Variants in MEGF10 observed in about 807,000 individuals in gnomAD.
MEGF10 encodes multiple EGF like domains 10.
In MEGF10, 86 loss-of-function variants were observed where a neutral mutation model predicts 147.5. The observed-to-expected ratio is 0.58, with a 90% CI of 0.49 to 0.70. The LOEUF is 0.70. Ranked by LOEUF, MEGF10 falls within the 30% of genes least tolerant of loss-of-function variation. The probability of loss-of-function intolerance (pLI) is 0.00; values close to 1 mark genes in which losing one functional copy is unlikely to be tolerated. For missense variants in MEGF10, 1,329 were observed against 1,487.3 expected, an observed-to-expected ratio of 0.89 and a Z score of 1.75; for synonymous variants, 478 against 525.5, an observed-to-expected ratio of 0.91 and a Z score of 1.24.
chr5:127,455,256 C>G, intron 23 of MEGF10, 145 bp from the exon 24 acceptor site: 1 of 766,696 alleles, frequency 1.3e-6, no homozygotes, highest in Admixed American at 2.4e-5. Flanking sequence ...CAGATTCTCT[C>G]CAAAACAAGT....
Position 127,402,548 on chromosome 5 carries a change from C to G in MEGF10, c.783C>G (p.Gly261=). 1 of 1,613,022 alleles carries G rather than the reference C, an allele frequency of 6.2e-7. No individual in the cohort carries two copies. The highest frequency in any genetic ancestry group is 8.5e-7 in the Non-Finnish European group (1 of 1,179,546). The part of the protein sequence containing the change: ...GECSCPSGWM[G]TVCGQPCPEG... ...TTTCCAAGTCTCTTTGAATGCAGGG[C>G]ACAGTGTGTGGTCAGCCTTGCCCCG... The change falls in exon 8 of 25, where the codon GGC becomes GGG. Residue 261 remains glycine, a splice_region_variant and synonymous_variant. Coordinates refer to ENST00000503335, the MANE Select transcript of MEGF10 (RefSeq NM_001256545.2).
chr5:127,344,150 G>A (rs1174803618), intron 4 of MEGF10, among the ~76,000 whole-genome samples: 1 of 152,094 alleles, frequency 6.6e-6, no homozygotes, highest in Admixed American at 6.6e-5. Flanking sequence ...TGCATTGATT[G>A]ACCTACAATG....
chr5:127,339,058 A>G (rs1435523042), intron 2 of MEGF10, 62 bp from the exon 3 acceptor site: 16 of 1,027,956 alleles, frequency 1.6e-5, no homozygotes, highest in Non-Finnish European at 2.1e-5. Flanking sequence ...TTTTAAATAC[A>G]TAGTATATTA....
At chr5:127,453,588 ACACT>A (rs771047922) in intron 22 of MEGF10, among the ~76,000 whole-genome samples, 1 of 152,230 alleles carries the variant, frequency 6.6e-6, no homozygotes, top group Non-Finnish European at 1.5e-5. Flanking sequence ...GAGAAAATTG[ACACT>A]CAGAGGGTGG....
chr5:127,379,191 G>A (rs1414890472), intron 5 of MEGF10, among the ~76,000 whole-genome samples: 2 of 151,028 alleles, frequency 1.3e-5, no homozygotes, highest in African/African-American at 4.9e-5. Context: ...TCCAGTCCAT[G>A]CCACGTTCTC....
intron 4 of MEGF10, among the ~76,000 whole-genome samples, chr5:127,344,594 G>T (rs1761809861): frequency 1.3e-5 from 2 of 151,988 alleles, no homozygotes; most frequent in South Asian, 4.2e-4. Flanking sequence ...ATTCTCAGCT[G>T]CATCTCATTA....
chr5:127,417,125 C>T (rs1327824698), intron 9 of MEGF10, among the ~76,000 whole-genome samples: 1 of 152,222 alleles, frequency 6.6e-6, no homozygotes, highest in Non-Finnish European at 1.5e-5. Context: ...CTGATATGTC[C>T]ATTTGCTATG....
At chr5:127,235,375 T>G in the MEGF10 span, among the ~76,000 whole-genome samples, 55 of 152,334 alleles carry the variant, frequency 3.6e-4, no homozygotes, top group African/African-American at 1.3e-3. Context: ...TTCCCTTATG[T>G]TTCTTCCTCC....
At position 127,417,785 on chromosome 5, in the gene MEGF10, A is replaced by G. The variant is rs139438683; in HGVS notation, c.1278A>G (p.Gly426=). 1.7e-5 allele frequency: 28 copies of G among 1,613,922 alleles called. No individual in the cohort carries two copies. Among genetic ancestry groups the G allele is most frequent in the Non-Finnish European group, 2.3e-5 (27 of 1,180,014 alleles). The change falls in exon 10 of 25, where the codon GGA becomes GGG. Residue 426 remains glycine, a synonymous_variant. Coordinates refer to ENST00000503335, the MANE Select transcript of MEGF10 (RefSeq NM_001256545.2). ...GGGCAGACTGTGACAGTGTGACTGG[A>G]AAGTGCACCTGTGCCCCAGGATTCA... ...QNGADCDSVT[G]KCTCAPGFKG... is the part of the protein sequence containing the mutation.
At chr5:127,334,438 A>C (rs975358421) in intron 2 of MEGF10, among the ~76,000 whole-genome samples, 3 of 152,124 alleles carry the variant, frequency 2.0e-5, no homozygotes, top group African/African-American at 4.8e-5. Context: ...CTGCATATTC[A>C]AGTTTGAGAA....
chr5:127,436,074 G>T (rs1462536482), intron 16 of MEGF10, among the ~76,000 whole-genome samples: 1 of 152,160 alleles, frequency 6.6e-6, no homozygotes, highest in Non-Finnish European at 1.5e-5. Context: ...TTTTGAAAGG[G>T]TCAGTGCAAT....
chr5:127,324,770 G>A (rs1760936492), intron 1 of MEGF10, among the ~76,000 whole-genome samples: 2 of 152,134 alleles, frequency 1.3e-5, no homozygotes, highest in African/African-American at 4.8e-5. Context: ...CCTTAGCTTG[G>A]TGCTGAAGGC....
At chr5:127,252,150 A>C in the MEGF10 span, among the ~76,000 whole-genome samples, 1 of 151,990 alleles carries the variant, frequency 6.6e-6, no homozygotes, top group African/African-American at 2.4e-5. Flanking sequence ...AGATTAACAC[A>C]ATGATACCTT....
chr5:127,398,849 G>T, intron 7 of MEGF10, 53 bp downstream of exon 7: 1 of 1,610,778 alleles, frequency 6.2e-7, no homozygotes, highest in Admixed American at 1.7e-5. Flanking sequence ...CCCATTCCAG[G>T]ATACTCAGTG....
chr5:127,343,333 C>T (rs1290924788), intron 4 of MEGF10, among the ~76,000 whole-genome samples: 1 of 152,092 alleles, frequency 6.6e-6, no homozygotes, highest in Non-Finnish European at 1.5e-5. Context: ...GTAGCACCTT[C>T]AGGAGAGCAG....
chr5:127,242,519 A>G, the MEGF10 span, among the ~76,000 whole-genome samples: 1 of 152,246 alleles, frequency 6.6e-6, no homozygotes, highest in Non-Finnish European at 1.5e-5. Context: ...CGGATCTTAA[A>G]TTAAACTGCT....
At chr5:127,440,114 G>T (rs1008862753) in intron 17 of MEGF10, among the ~76,000 whole-genome samples, 1 of 152,210 alleles carries the variant, frequency 6.6e-6, no homozygotes, top group Non-Finnish European at 1.5e-5. Flanking sequence ...GAATTTGTGG[G>T]TGTCTTTAGC....
At chr5:127,342,392 G>T (rs1322224469) in intron 4 of MEGF10, among the ~76,000 whole-genome samples, 1 of 152,076 alleles carries the variant, frequency 6.6e-6, no homozygotes, top group Non-Finnish European at 1.5e-5. Flanking sequence ...ATTAACCCAG[G>T]GGTCATAGAA....
intron 13 of MEGF10, among the ~76,000 whole-genome samples, chr5:127,423,205 A>T (rs1291989313): frequency 6.6e-6 from 1 of 152,270 alleles, no homozygotes; most frequent in East Asian, 1.9e-4. Flanking sequence ...TGCAAATATT[A>T]AAATGTTCAT....
Sources: gnomAD v4.1 joint callset for allele counts (sites outside exome capture counted in the v4.1 genomes callset) on GRCh38, gnomAD v4.1.1 for gene constraint, MANE v1.5 for transcripts, NCBI Gene and HGNC (gene_info 2026-07-23, HGNC 2026-07-21) for gene names.